Variants in SDK1 observed in about 807,000 individuals in gnomAD.
SDK1 encodes the protein protein sidekick-1.
In SDK1, 157 loss-of-function variants were observed where a neutral mutation model predicts 245.5. That is an observed-to-expected ratio of 0.64 (90% CI 0.56 to 0.73). SDK1 has a LOEUF of 0.73. SDK1 is among the 30% of genes least tolerant of loss of function. The probability of loss-of-function intolerance (pLI) is 0.00; values close to 1 mark genes in which losing one functional copy is unlikely to be tolerated. For missense variants in SDK1, 3,583 were observed against 3,002.3 expected (o/e 1.19, Z -4.52); for synonymous variants, 1,647 against 1,278.5 (o/e 1.29, Z -6.15).
chr7:4,165,827 C>T (rs186924889), intron 32 of SDK1, among the ~76,000 whole-genome samples: 1 of 150,984 alleles, frequency 6.6e-6, no homozygotes, highest in Non-Finnish European at 1.5e-5. Flanking sequence ...TTCCCTGTCA[C>T]CCAGGTTGGA....
chr7:4,158,376 C>A, intron 30 of SDK1, 72 bp from the exon 31 acceptor site: 2 of 1,268,054 alleles, frequency 1.6e-6, no homozygotes, highest in South Asian at 1.2e-5. Context: ...CTTCCCAGGG[C>A]TTCACCAGGA....
chr7:3,956,753 C>T (rs531267733), intron 7 of SDK1, among the ~76,000 whole-genome samples: 1 of 152,126 alleles, frequency 6.6e-6, no homozygotes, highest in Admixed American at 6.5e-5. Context: ...ACAGATGGTC[C>T]CTGGCTAGGG....
intron 1 of SDK1, among the ~76,000 whole-genome samples, chr7:3,571,751 A>G (rs561028368): frequency 6.6e-6 from 1 of 152,134 alleles, no homozygotes; most frequent in African/African-American, 2.4e-5. Flanking sequence ...ATTCTTGGTA[A>G]TCAGAGAATG....
chr7:3,452,859 C>G (rs1331201876), intron 1 of SDK1, among the ~76,000 whole-genome samples: 2 of 152,086 alleles, frequency 1.3e-5, no homozygotes, highest in South Asian at 4.1e-4. Flanking sequence ...TCTCTTTCTT[C>G]CCTCCCTCCT....
intron 41 of SDK1, among the ~76,000 whole-genome samples, chr7:4,235,771 G>T (rs1486243620): frequency 1.3e-5 from 2 of 152,222 alleles, no homozygotes; most frequent in Non-Finnish European, 2.9e-5. Flanking sequence ...GCCTTGCCAT[G>T]AGCTGGACCG....
chr7:4,253,569 G>C (rs1787445132), intron 44 of SDK1, among the ~76,000 whole-genome samples: 1 of 152,176 alleles, frequency 6.6e-6, no homozygotes. Context: ...CTATACTGGA[G>C]AATGTTTCCT....
intron 1 of SDK1, among the ~76,000 whole-genome samples, chr7:3,508,053 C>G (rs1015373261): frequency 6.6e-6 from 1 of 152,156 alleles, no homozygotes; most frequent in Non-Finnish European, 1.5e-5. Context: ...GTCCCTTTGT[C>G]TGTCTGGCTT....
At chr7:3,834,372 G>C (rs527360619) in intron 5 of SDK1, among the ~76,000 whole-genome samples, 1 of 152,360 alleles carries the variant, frequency 6.6e-6, no homozygotes, top group South Asian at 2.1e-4. Flanking sequence ...ACCAGGAAAT[G>C]ACAGGAACAC....
chr7:3,911,286 G>T (rs1482100689), intron 5 of SDK1, among the ~76,000 whole-genome samples: 2 of 152,142 alleles, frequency 1.3e-5, no homozygotes, highest in Non-Finnish European at 2.9e-5. Flanking sequence ...ACTTTAGGAA[G>T]GGGCAGCAAT....
chr7:4,193,195 T>C (rs867471923), intron 35 of SDK1, among the ~76,000 whole-genome samples: 1 of 127,988 alleles, frequency 7.8e-6, no homozygotes, highest in Non-Finnish European at 1.6e-5. Flanking sequence ...AATATATTAA[T>C]ATATTTATAT....
chr7:4,203,735 G>A (rs1009726211), intron 35 of SDK1, among the ~76,000 whole-genome samples: 2 of 152,226 alleles, frequency 1.3e-5, no homozygotes, highest in Non-Finnish European at 2.9e-5. Flanking sequence ...TGGAGACCCA[G>A]CGGCTTTCAG....
intron 1 of SDK1, among the ~76,000 whole-genome samples, chr7:3,329,840 C>T (rs968890098): frequency 6.6e-6 from 1 of 152,200 alleles, no homozygotes; most frequent in African/African-American, 2.4e-5. Flanking sequence ...ATAACAACTA[C>T]TTATATAGCA....
intron 1 of SDK1, among the ~76,000 whole-genome samples, chr7:3,523,391 A>G (rs1190326981): frequency 2.0e-5 from 3 of 152,158 alleles, no homozygotes; most frequent in African/African-American, 7.2e-5. Flanking sequence ...GTAGTTTCCA[A>G]AGTAGTCTAC....
chr7:3,656,227 T>G (rs1314379530), intron 4 of SDK1, among the ~76,000 whole-genome samples: 4 of 152,232 alleles, frequency 2.6e-5, no homozygotes, highest in Admixed American at 2.6e-4. Context: ...CCATCCCATT[T>G]GTAATGTCCT....
chr7:4,211,612 T>A (rs113261377), intron 38 of SDK1, among the ~76,000 whole-genome samples: 6,414 of 152,148 alleles, frequency 0.042, 193 homozygotes, highest in South Asian at 0.09. Context: ...TTCTTGTTTT[T>A]GTTTCTGTTT....
At chr7:4,262,072 C>G (rs1163440010) in intron 44 of SDK1, among the ~76,000 whole-genome samples, 1 of 128,630 alleles carries the variant, frequency 7.8e-6, no homozygotes, top group Non-Finnish European at 1.6e-5. Flanking sequence ...CTCTGTCACC[C>G]AGGCTGGAGT....
chr7:3,410,578 C>CTTTTTTTTT (rs776277920), intron 1 of SDK1, among the ~76,000 whole-genome samples: 3 of 82,058 alleles, frequency 3.7e-5, no homozygotes, highest in African/African-American at 5.3e-5. Context: ...GAAATGATAT[C>CTTTTTTTTT]TTTTTTTTTT....
chr7:3,861,242 A>G (rs1446728128), intron 5 of SDK1, among the ~76,000 whole-genome samples: 1 of 152,250 alleles, frequency 6.6e-6, no homozygotes, highest in Non-Finnish European at 1.5e-5. Flanking sequence ...TATTATATGC[A>G]AAGGTCAGTG....
intron 1 of SDK1, among the ~76,000 whole-genome samples, chr7:3,597,477 A>G (rs1781104068): frequency 6.6e-6 from 1 of 152,138 alleles, no homozygotes; most frequent in Admixed American, 6.5e-5. Context: ...CAGGACACAG[A>G]ACACCGGCGG....
Sources: gnomAD v4.1 joint callset for allele counts (sites outside exome capture counted in the v4.1 genomes callset) on GRCh38, gnomAD v4.1.1 for gene constraint, MANE v1.5 for transcripts, NCBI Gene and HGNC (gene_info 2026-07-23, HGNC 2026-07-21) for gene names.